The following C11orf65 variants were observed in gnomAD, a reference collection of about 807,000 sequenced individuals.
The protein encoded by C11orf65 is chromosome 11 open reading frame 65, also known as protein MFI.
In C11orf65, 38 loss-of-function variants were observed where a neutral mutation model predicts 35.3. The observed-to-expected ratio is 1.08, with a 90% confidence interval of 0.83 to 1.41. The LOEUF (loss-of-function observed/expected upper bound fraction) is 1.41, where lower values mean the gene tolerates loss of function less well. C11orf65 is among the 40% of genes most tolerant of loss of function. C11orf65 has a pLI of 0.00. For synonymous variants in C11orf65, 105 were observed against 114.4 expected (o/e 0.92, Z 0.53); for missense variants, 370 against 367.1 (o/e 1.01, Z -0.06).
chr11:108,432,676 C>A (rs1180368140), intron 2 of C11orf65, among the ~76,000 whole-genome samples: 1 of 152,132 alleles, frequency 6.6e-6, no homozygotes, highest in Non-Finnish European at 1.5e-5. Context: ...TTAAGTAACC[C>A]ATAGTACCAA....
intron 2 of C11orf65, among the ~76,000 whole-genome samples, chr11:108,374,494 C>G (rs1245039754): frequency 6.6e-6 from 1 of 152,164 alleles, no homozygotes; most frequent in Non-Finnish European, 1.5e-5. Flanking sequence ...TGTACATCAC[C>G]ATCATCAAAG....
intron 2 of C11orf65, among the ~76,000 whole-genome samples, chr11:108,448,437 T>C (rs1252661466): frequency 6.6e-6 from 1 of 152,178 alleles, no homozygotes. Context: ...TTATCCACCA[T>C]GAGCAAGTGG....
intron 2 of C11orf65, among the ~76,000 whole-genome samples, chr11:108,453,886 T>G (rs2093381797): frequency 6.6e-6 from 1 of 152,238 alleles, no homozygotes; most frequent in South Asian, 2.1e-4. Context: ...TCATCTGGCT[T>G]TGGTATCCAA....
Position 108,383,142 on chromosome 11 carries a change from T to C in C11orf65, c.821A>G (p.Tyr274Cys), listed in dbSNP as rs140854812. The C allele has an allele frequency of 2.1e-5, 33 of 1,604,852 alleles. No homozygotes were observed. The highest frequency in any genetic ancestry group is 4.5e-5 in the South Asian group (4 of 88,778). ...CTTTGATATGTCTCCTCCATAGTTA[T>C]ATATGTTTTTCTGTGCTTGATTAAA... ...FRFNQAQKNI[Y>C]NYGGDISKMQ... The change falls in exon 9 of 9, where the codon TAT becomes TGT. Residue 274 changes from tyrosine to cysteine, a missense_variant. Physicochemically the swap from Tyr to Cys is radical, Grantham distance 194 (BLOSUM62 -2). Transcript: ENST00000393084.
Position 108,358,158 on chromosome 11 carries a change from C to T in C11orf65, c.227-22866G>A, listed in dbSNP as rs1375707187. ...AACTATGTGAAGAATGCAGAAGCCT[C>T]AGGAGCCGATGCGATCAACTGGAAG... is the stretch of plus-strand genomic sequence containing the variant. On this transcript the variant is annotated intron_variant, in intron 2 of 3. Transcript: ENST00000524755. Among the ~76,000 whole-genome samples, 4 of 151,634 alleles carry T rather than the reference C, an allele frequency of 2.6e-5. No individual in the cohort carries two copies. The East Asian group carries it at 7.7e-4, about 29-fold the overall frequency.
intron 6 of C11orf65, chr11:108,325,202 C>T (rs939131399): frequency 2.6e-6 from 2 of 763,792 alleles, no homozygotes; most frequent in African/African-American, 3.6e-5. Context: ...TACAAAAGTT[C>T]CTTTGTATTA....
At chr11:108,442,237 T>C (rs1447871278) in intron 2 of C11orf65, among the ~76,000 whole-genome samples, 1 of 151,730 alleles carries the variant, frequency 6.6e-6, no homozygotes, top group Non-Finnish European at 1.5e-5. Flanking sequence ...TGATTGAAGA[T>C]CAAAAGAATG....
At chr11:108,385,348 AG>A (rs1431178944) in intron 8 of C11orf65, among the ~76,000 whole-genome samples, 1 of 151,588 alleles carries the variant, frequency 6.6e-6, no homozygotes, top group Non-Finnish European at 1.5e-5. Flanking sequence ...CTGGGATTAC[AG>A]GTGTGTGCCA....
At chr11:108,380,415 G>T (rs1428151271), downstream of C11orf65, among the ~76,000 whole-genome samples, 2 of 152,330 alleles carry the variant, frequency 1.3e-5, no homozygotes, top group Non-Finnish European at 2.9e-5. Context: ...CAGAGACAAG[G>T]AAATCTGGGA....
intron 7 of C11orf65, among the ~76,000 whole-genome samples, chr11:108,392,337 C>A (rs1232756678): frequency 6.6e-6 from 1 of 152,136 alleles, no homozygotes; most frequent in African/African-American, 2.4e-5. Flanking sequence ...CCACCATGCC[C>A]AGCCCACTAA....
chr11:108,398,967 T>C (rs2092380762), intron 6 of C11orf65, among the ~76,000 whole-genome samples: 1 of 152,216 alleles, frequency 6.6e-6, no homozygotes, highest in South Asian at 2.1e-4. Context: ...TGTCACCAAC[T>C]AGCCAGCATA....
rs182531762 is a variant in C11orf65, at chr11:108,452,431, A to T, written c.81+9048T>A. Among the ~76,000 whole-genome samples the T allele has an allele frequency of 9.8e-3, 1,497 of 152,360 alleles. 30 individuals are homozygous for T. Among genetic ancestry groups the T allele is most frequent in the African/African-American group, 0.034 (1,416 of 41,578 alleles). ...TCATCACTGGCCATCAGAGAAATGC[A>T]AATCAAAACCACAATGAGATACCAT... On this transcript the variant is annotated intron_variant, in intron 2 of 8. Coordinates refer to ENST00000393084, the MANE Select transcript of C11orf65 (RefSeq NM_152587.5).
intron 2 of C11orf65, among the ~76,000 whole-genome samples, chr11:108,452,027 C>T (rs1365908464): frequency 2.6e-5 from 4 of 152,056 alleles, no homozygotes; most frequent in Admixed American, 6.6e-5. Flanking sequence ...AAGACTTAAA[C>T]GTTAGACCTA....
chr11:108,448,855 C>G (rs144564767), intron 2 of C11orf65, among the ~76,000 whole-genome samples: 3,380 of 152,238 alleles, frequency 0.022, 94 homozygotes, highest in African/African-American at 0.07. Context: ...TCCCTGTTTG[C>G]AGACGACATG....
intron 2 of C11orf65, chr11:108,354,750 A>AAGAT (rs775653463): frequency 8.4e-5 from 116 of 1,377,284 alleles, no homozygotes; most frequent in Middle Eastern, 1.8e-4. Context: ...TATACAGATA[A>AAGAT]AGATACGTTG....
At position 108,438,330 on chromosome 11, in the gene C11orf65, T is replaced by G. The variant is rs1204002965; in HGVS notation, c.82-6492A>C. ...AATTTGGGAGGCCGAGACGGGCAGA[T>G]CACTTGAGGTCAGGAGTTTGAGACC... On this transcript the variant is annotated intron_variant, in intron 2 of 8. Coordinates refer to ENST00000393084, the MANE Select transcript of C11orf65 (RefSeq NM_152587.5). Among the ~76,000 whole-genome samples, 7 of 152,078 alleles carry G rather than the reference T, an allele frequency of 4.6e-5. No individual in the cohort carries two copies. The East Asian group carries it at 1.2e-3, about 25-fold the overall frequency.
intron 2 of C11orf65, among the ~76,000 whole-genome samples, chr11:108,349,280 A>T (rs1165550085): frequency 6.6e-6 from 1 of 152,250 alleles, no homozygotes; most frequent in Non-Finnish European, 1.5e-5. Context: ...AATCAATCCT[A>T]GAGGCCTTGG....
At chr11:108,458,757 A>T (rs1041744200) in intron 2 of C11orf65, among the ~76,000 whole-genome samples, 3 of 152,164 alleles carry the variant, frequency 2.0e-5, no homozygotes, top group South Asian at 2.1e-4. Flanking sequence ...CACAAAATTT[A>T]AAAAAGTAGG....
chr11:108,373,482 G>A (rs1333629734), intron 2 of C11orf65, among the ~76,000 whole-genome samples: 2 of 152,242 alleles, frequency 1.3e-5, no homozygotes, highest in African/African-American at 4.8e-5. Context: ...TCCTAGCCAT[G>A]CAGTAATGTA....
Sources: gnomAD v4.1 joint callset for allele counts (sites outside exome capture counted in the v4.1 genomes callset) on GRCh38, gnomAD v4.1.1 for gene constraint, MANE v1.5 for transcripts, NCBI Gene and HGNC (gene_info 2026-07-23, HGNC 2026-07-21) for gene names.